Variants in COL23A1 observed in about 807,000 individuals in gnomAD.
The protein encoded by COL23A1 is collagen alpha-1(XXIII) chain.
Under a neutral mutation model 99.3 loss-of-function variants are expected in COL23A1, and 97 were observed. The observed-to-expected ratio is 0.98, with a 90% CI of 0.83 to 1.16. The LOEUF (loss-of-function observed/expected upper bound fraction) is 1.16. COL23A1 is among the 50% of genes most tolerant of loss of function. The pLI is 0.00. For synonymous variants in COL23A1, 320 were observed against 308.2 expected, an observed-to-expected ratio of 1.04 and a Z score of -0.40; for missense variants, 762 against 757.4, an observed-to-expected ratio of 1.01 and a Z score of -0.07.
chr5:178,496,012 C>T (rs1296318379), intron 2 of COL23A1, among the ~76,000 whole-genome samples: 5 of 152,120 alleles, frequency 3.3e-5, no homozygotes, highest in Admixed American at 6.5e-5. Flanking sequence ...AGTCGAGCTC[C>T]AAACCCATGT....
chr5:178,333,092 G>C (rs1280153158), intron 2 of COL23A1, among the ~76,000 whole-genome samples: 1 of 151,976 alleles, frequency 6.6e-6, no homozygotes, highest in Non-Finnish European at 1.5e-5. Flanking sequence ...AGAGTAGCTG[G>C]GACTACAGGC....
Position 178,358,040 on chromosome 5 carries a change from G to GCGTATGTGTATGTGTA in COL23A1, c.362-51122_362-51121insTACACATACACATACG, listed in dbSNP as rs1761833186. ...TATGTGTGTGTATGCGTATGTGTAT[G>GCGTATGTGTATGTGTA]TGTATGTATGTCTAATGTATGTGTA... On this transcript the variant is annotated intron_variant, in intron 2 of 28. Coordinates refer to ENST00000390654, the MANE Select transcript of COL23A1 (RefSeq NM_173465.4). 2.1e-5 allele frequency among the ~76,000 whole-genome samples: 3 copies of GCGTATGTGTATGTGTA among 139,956 alleles called. No homozygotes were observed. The East Asian group carries it at 6.4e-4, about 30-fold the overall frequency. The allele number at this position is 139,956 out of a possible 152,430, so 91.8% of individuals were successfully genotyped here. A position where few individuals can be genotyped will look rare whatever the true frequency, so the allele number is the denominator to read the frequency against.
In COL23A1 at chr5:178,533,606, TC is replaced by T. The variant is rs1760772354; in HGVS notation, c.361+27075del. On this transcript the variant is annotated intron_variant, in intron 2 of 28. Transcript: ENST00000390654. The stretch of plus-strand genomic sequence containing the variant: ...TTCACCTCCCAGGTTCAAGTGATTC[TC>T]CTGCCTCAACCTCCCGAGTAGCTGG... 2.0e-5 allele frequency among the ~76,000 whole-genome samples: 3 copies of T among 152,174 alleles called. No individual in the cohort carries two copies. The South Asian group carries it at 6.2e-4, about 32-fold the overall frequency.
intron 2 of COL23A1, among the ~76,000 whole-genome samples, chr5:178,386,141 T>C (rs558206187): frequency 2.6e-5 from 4 of 152,262 alleles, no homozygotes; most frequent in South Asian, 4.1e-4. Flanking sequence ...AATATTATTA[T>C]TAAAAATACA....
chr5:178,526,435 C>T (rs1760314272), intron 2 of COL23A1, among the ~76,000 whole-genome samples: 1 of 152,160 alleles, frequency 6.6e-6, no homozygotes, highest in Admixed American at 6.5e-5. Flanking sequence ...AGGACATGGG[C>T]CTGGTGGGGA....
chr5:178,283,809 T>G (rs986941996), intron 5 of COL23A1, among the ~76,000 whole-genome samples: 2 of 152,216 alleles, frequency 1.3e-5, no homozygotes, highest in African/African-American at 4.8e-5. Flanking sequence ...TGCCACAGTT[T>G]AGAGAGGAAA....
At chr5:178,247,658 C>T (rs935003573) in intron 21 of COL23A1, 106 bp from the exon 22 acceptor site, 116 of 1,559,824 alleles carry the variant, frequency 7.4e-5, no homozygotes, top group Non-Finnish European at 9.4e-5. Context: ...TGCCCATGTG[C>T]CCCTCCCTGA....
chr5:178,589,931 C>A lies in COL23A1; in HGVS notation c.267G>T (p.Glu89Asp). ...GPPGALDAWA[E>D]PHLERLLREK... The stretch of plus-strand genomic sequence containing the variant: ...CCCGCAGCAGGCGCTCCAGGTGCGG[C>A]TCGGCCCAGGCGTCCAGGGCGCCTG... The change falls in exon 1 of 29, where the codon GAG becomes GAT. Residue 89 changes from glutamate to aspartate, a missense_variant. Physicochemically the swap from Glu to Asp is conservative, Grantham distance 45. Coordinates refer to ENST00000390654, the MANE Select transcript of COL23A1 (RefSeq NM_173465.4). This position sits in a 1 kb window ranked among gnomAD's most constrained non-coding sequence, Gnocchi z 5.4. The A allele has an allele frequency of 7.6e-7, 1 of 1,324,438 alleles. No homozygotes were observed. Among genetic ancestry groups the A allele is most frequent in the South Asian group, 2.1e-5 (1 of 48,386 alleles). 82.0% of individuals were successfully genotyped at this position (1,324,438 alleles called of 1,614,324 possible).
intron 2 of COL23A1, among the ~76,000 whole-genome samples, chr5:178,457,334 C>A (rs1405518358): frequency 6.6e-6 from 1 of 152,178 alleles, no homozygotes; most frequent in African/African-American, 2.4e-5. Context: ...CTGCCTCAGC[C>A]TCCCGAGTAG....
Position 178,314,493 on chromosome 5 carries a change from T to G in COL23A1, c.362-7574A>C, listed in dbSNP as rs556798257. Among the ~76,000 whole-genome samples, 42 of 152,198 alleles carry G rather than the reference T, an allele frequency of 2.8e-4. 1 individual carries two copies. In the South Asian group the frequency reaches 8.3e-3, roughly 30 times the overall value. ...GACACGGTGCCATTCGGTGGATGAA[T>G]GAATAGGGCCCTGTTAGGAGGGGCT... is the stretch of plus-strand genomic sequence containing the variant. On this transcript the variant is annotated intron_variant, in intron 2 of 28. Transcript: ENST00000390654.
intron 2 of COL23A1, among the ~76,000 whole-genome samples, chr5:178,548,591 T>C (rs1437756548): frequency 6.7e-6 from 1 of 148,868 alleles, no homozygotes; most frequent in Non-Finnish European, 1.5e-5. Flanking sequence ...TCTCATTCTG[T>C]CACCAAGCTG....
intron 2 of COL23A1, among the ~76,000 whole-genome samples, chr5:178,347,889 A>C (rs1561884029): frequency 1.7e-5 from 2 of 118,908 alleles, no homozygotes; most frequent in African/African-American, 3.5e-5. Flanking sequence ...CAAAAAAAAA[A>C]AAAAAAAACC....
In COL23A1 at chr5:178,365,056, G is replaced by C. The variant is rs914228306; in HGVS notation, c.362-58137C>G. On this transcript the variant is annotated intron_variant, in intron 2 of 28. Coordinates refer to ENST00000390654, the MANE Select transcript of COL23A1 (RefSeq NM_173465.4). This position sits in a 1 kb window ranked among gnomAD's most constrained non-coding sequence, Gnocchi z 5.2. ...AACAGATGCACAAGCAGATACAGCA[G>C]TAAAGAATAAACCGTAGGGGCAATA... Among the ~76,000 whole-genome samples the C allele has an allele frequency of 6.6e-6, 1 of 152,066 alleles. No individual in the cohort carries two copies. Among genetic ancestry groups the C allele is most frequent in the East Asian group, 1.9e-4 (1 of 5,170 alleles).
Position 178,365,432 on chromosome 5 carries a change from G to A in COL23A1, c.362-58513C>T, listed in dbSNP as rs1212547517. On this transcript the variant is annotated intron_variant, in intron 2 of 28. Coordinates refer to ENST00000390654, the MANE Select transcript of COL23A1 (RefSeq NM_173465.4). This position sits in a 1 kb window ranked among gnomAD's most constrained non-coding sequence, Gnocchi z 5.2. ...CCCTCCCGGACACTCACGCATTTCAGGTCTGACGGGTACCCGCCACCCAAT... is the reference window on the plus strand; with the variant it reads ...CCCTCCCGGACACTCACGCATTTCAAGTCTGACGGGTACCCGCCACCCAAT... Among the ~76,000 whole-genome samples, 1 of 152,024 alleles carries A rather than the reference G, an allele frequency of 6.6e-6. No homozygotes were observed. The highest frequency in any genetic ancestry group is 2.4e-5 in the African/African-American group (1 of 41,398).
chr5:178,333,996 G>A (rs1457560981), intron 2 of COL23A1, among the ~76,000 whole-genome samples: 1 of 152,134 alleles, frequency 6.6e-6, no homozygotes, highest in African/African-American at 2.4e-5. Context: ...GTGCACCTTC[G>A]GAGAGAGGTT....
intron 2 of COL23A1, among the ~76,000 whole-genome samples, chr5:178,496,528 CATGGGAAGAAA>C (rs1463459907): frequency 6.6e-6 from 1 of 152,168 alleles, no homozygotes; most frequent in African/African-American, 2.4e-5. Context: ...TTTAAGAATA[CATGGGAAGAAA>C]ATGTAAATGT....
intron 2 of COL23A1, among the ~76,000 whole-genome samples, chr5:178,497,491 C>T (rs757773623): frequency 4.6e-5 from 7 of 152,122 alleles, no homozygotes; most frequent in Admixed American, 2.0e-4. Context: ...CAAAGATTAA[C>T]GTGGAAGAAG....
intron 2 of COL23A1, among the ~76,000 whole-genome samples, chr5:178,425,453 AT>A (rs1765869273): frequency 1.3e-5 from 2 of 151,418 alleles, no homozygotes; most frequent in Non-Finnish European, 2.9e-5. Context: ...AAATAAATAA[AT>A]AAATAAATAA....
intron 2 of COL23A1, among the ~76,000 whole-genome samples, chr5:178,311,920 C>T (rs1048385953): frequency 2.0e-5 from 3 of 151,626 alleles, no homozygotes; most frequent in Admixed American, 2.0e-4. Flanking sequence ...TAGTAGAGAC[C>T]GAGTTTCACC....
Sources: allele counts gnomAD v4.1 joint callset (sites outside exome capture counted in the v4.1 genomes callset), GRCh38; gene constraint gnomAD v4.1.1; non-coding constraint Gnocchi (gnomAD v3.1); transcripts MANE v1.5; gene names NCBI Gene and HGNC (gene_info 2026-07-23, HGNC 2026-07-21).